Variants in ENDOU observed in about 807,000 individuals in gnomAD.
The protein encoded by ENDOU is uridylate-specific endoribonuclease.
ENDOU carries 49 observed loss-of-function variants against 54.2 expected under a neutral mutation model. That is an observed-to-expected ratio of 0.90 (90% CI 0.72 to 1.15). The LOEUF (loss-of-function observed/expected upper bound fraction) is 1.15, where lower values mean the gene tolerates loss of function less well. Among genes scored for constraint, ENDOU ranks in the 50% most tolerant of loss-of-function variants. The pLI is 0.00. For synonymous variants in ENDOU, 172 were observed against 190.5 expected (o/e 0.90, Z 0.80); for missense variants, 458 against 511.4 (o/e 0.90, Z 1.01).
chr12:47,713,115 C>T lies in ENDOU; in HGVS notation c.865+160G>A, dbSNP rs532935891. Among the ~76,000 whole-genome samples the T allele has an allele frequency of 2.0e-5, 3 of 152,236 alleles. No homozygotes were observed. The East Asian group carries it at 5.8e-4, about 29-fold the overall frequency. ...TTCTCAGAATGGCTCCTCAGACACC[C>T]CCCCGCCCCCCTGCCATATGGGCAG... On this transcript the variant is annotated intron_variant, in intron 7 of 9. Transcript: ENST00000422538.
chr12:47,716,559 A>G lies in ENDOU; in HGVS notation c.552-60T>C, dbSNP rs940380606. On this transcript the variant is annotated intron_variant, in intron 5 of 9. Transcript: ENST00000422538. ...CCAAACACAGGGCAGCGACCCCTCC[A>G]GAGACTTCTAGACAGGCCAGGGGCA... is the stretch of plus-strand genomic sequence containing the variant. The G allele has an allele frequency of 1.6e-5, 24 of 1,515,434 alleles. No individual in the cohort carries two copies. In the South Asian group the frequency reaches 2.7e-4, roughly 17 times the overall value. The allele number at this position is 1,515,434 out of a possible 1,614,324, so 93.9% of individuals were successfully genotyped here. A position where few individuals can be genotyped will look rare whatever the true frequency, so the allele number is the denominator to read the frequency against.
Position 47,725,400 on chromosome 12 carries a change from A to T in ENDOU, c.14T>A (p.Ile5Asn). The T allele has an allele frequency of 6.2e-7, 1 of 1,614,170 alleles. No homozygotes were observed. Among genetic ancestry groups the T allele is most frequent in the African/African-American group, 1.3e-5 (1 of 75,046 alleles). ...ACACAGCACGGCCAATACCAGGGAG[A>T]TGCAGGCCCTCATGGTGCCCAGTTG... MRACISLVLAVLCGL... is the reference protein window; with the variant it reads MRACNSLVLAVLCGL... The change falls in exon 1 of 10, where the codon ATC (isoleucine) becomes AAC (asparagine). Residue 5 changes from isoleucine to asparagine, a missense_variant. By Grantham distance (149) the Ile-to-Asn change is moderately radical. Transcript: ENST00000422538.
Position 47,717,015 on chromosome 12 carries a change from C to G in ENDOU, c.426G>C (p.Gln142His), listed in dbSNP as rs1301045363. The G allele has an allele frequency of 6.2e-7, 1 of 1,613,948 alleles. No individual in the cohort carries two copies. The highest frequency in any genetic ancestry group is 8.5e-7 in the Non-Finnish European group (1 of 1,179,986). ...SSDAITKEEI[Q>H]SISEKIYRAD... ...CCCTGTAGATCTTCTCAGAGATGCTCTGAATCTCCTCTTTTGTTATGGCAT... is the reference window on the plus strand; with the variant it reads ...CCCTGTAGATCTTCTCAGAGATGCTGTGAATCTCCTCTTTTGTTATGGCAT... The change falls in exon 5 of 10, where the codon CAG becomes CAC. Residue 142 changes from glutamine to histidine, a missense_variant. Gln to His is a conservative substitution (Grantham distance 24). Coordinates refer to ENST00000422538, the MANE Select transcript of ENDOU (RefSeq NM_001172439.2).
rs1034339718 is a variant in ENDOU, at chr12:47,710,144, C to G, written c.*658G>C. 1.6e-4 allele frequency: 24 copies of G among 152,400 alleles called. No individual in the cohort carries two copies. The highest frequency in any genetic ancestry group is 5.8e-4 in the African/African-American group (24 of 41,554). 9.4% of individuals were successfully genotyped at this position (152,400 alleles called of 1,614,324 possible). On this transcript the variant is annotated 3_prime_UTR_variant, in exon 10 of 10. Coordinates refer to ENST00000422538, the MANE Select transcript of ENDOU (RefSeq NM_001172439.2). The stretch of plus-strand genomic sequence containing the variant: ...AAGGCCACCCCACCCCCAGCCCATT[C>G]ACTGCACCAACCTATTACCCTTCTC...
In ENDOU at chr12:47,720,962, G is replaced by A. The variant is rs572638098; in HGVS notation, c.56-87C>T. On this transcript the variant is annotated intron_variant, in intron 1 of 9. Coordinates refer to ENST00000422538, the MANE Select transcript of ENDOU (RefSeq NM_001172439.2). ...CCTGCAGGAGGGTTCACAGACCAGG[G>A]CAGGAGTGTACCTGGCAGGGAAGGG... 4.7e-3 allele frequency: 6,185 copies of A among 1,321,102 alleles called. 17 individuals are homozygous for A. Among genetic ancestry groups the A allele is most frequent in the Non-Finnish European group, 5.9e-3 (5,642 of 960,570 alleles). The allele number at this position is 1,321,102 out of a possible 1,614,324, so 81.8% of individuals were successfully genotyped here.
rs780515679 is a variant in ENDOU at position 47,713,256 on chromosome 12, C to T, written c.865+19G>A. The T allele has an allele frequency of 5.9e-6, 9 of 1,531,626 alleles. No homozygotes were observed. The highest frequency in any genetic ancestry group is 8.1e-6 in the Non-Finnish European group (9 of 1,104,986). 94.9% of individuals were successfully genotyped at this position (1,531,626 alleles called of 1,614,324 possible). ...TCTTCATCCCTCCAACTCTTTCTTT[C>T]CAAGAAAAGTGCTCCCACCTGAGAA... On this transcript the variant is annotated intron_variant, in intron 7 of 9. Transcript: ENST00000422538.
rs769480689 is a variant in ENDOU, at chr12:47,716,502, G to A, written c.552-3C>T. On this transcript the variant is annotated splice_region_variant and splice_polypyrimidine_tract_variant and intron_variant, in intron 5 of 9. Transcript: ENST00000422538. ...TCTCATTGACATAAGTGAAGAGTCT[G>A]GGGGAGGCAGAGGGGAGCCCCACTG... 1 of 1,613,012 alleles carries A rather than the reference G, an allele frequency of 6.2e-7. No individual in the cohort carries two copies. Among genetic ancestry groups the A allele is most frequent in the Non-Finnish European group, 8.5e-7 (1 of 1,179,894 alleles).
intron 6 of ENDOU, among the ~76,000 whole-genome samples, chr12:47,713,690 A>G (rs112552623): frequency 4.8e-5 from 7 of 146,080 alleles, no homozygotes; most frequent in South Asian, 4.5e-4. Flanking sequence ...GATCAGTGCT[A>G]TGAAGCAAAG....
At chr12:47,718,247 G>T in intron 2 of ENDOU, 53 bp from the exon 3 acceptor site, 1 of 1,489,870 alleles carries the variant, frequency 6.7e-7, no homozygotes, top group Non-Finnish European at 9.2e-7. Context: ...TTCCCCTGCT[G>T]CTTGGTTTCT....
At chr12:47,720,728 G>A (rs754313481) in intron 2 of ENDOU, 25 bp downstream of exon 2, 3 of 1,535,040 alleles carry the variant, frequency 2.0e-6, no homozygotes, top group Middle Eastern at 1.8e-4. Context: ...GGCTGGACAT[G>A]CCTTCGTCTC....
At chr12:47,722,121 C>T (rs1342800610) in intron 1 of ENDOU, among the ~76,000 whole-genome samples, 1 of 152,106 alleles carries the variant, frequency 6.6e-6, no homozygotes, top group Non-Finnish European at 1.5e-5. Flanking sequence ...GATGAATAAT[C>T]CCTGTTTTGT....
chr12:47,711,935 T>C (rs564420836), intron 8 of ENDOU, among the ~76,000 whole-genome samples, 160 bp from the exon 9 acceptor site: 59 of 152,314 alleles, frequency 3.9e-4, no homozygotes, highest in African/African-American at 1.3e-3. Context: ...AGAGGCAGTC[T>C]GCCTTGCTAA....
At chr12:47,716,801 C>T in intron 5 of ENDOU, 89 bp downstream of exon 5, 6 of 1,375,996 alleles carry the variant, frequency 4.4e-6, no homozygotes, top group Admixed American at 1.8e-5. Context: ...TTGATCGTGC[C>T]TGACTTGAGG....
At chr12:47,722,365 G>T (rs1342025119) in intron 1 of ENDOU, among the ~76,000 whole-genome samples, 2 of 152,200 alleles carry the variant, frequency 1.3e-5, no homozygotes, top group African/African-American at 4.8e-5. Flanking sequence ...CTGCTTTCTA[G>T]CTATGTGATC....
chr12:47,717,751 T>C (rs74088008), intron 3 of ENDOU, 96 bp from the exon 4 acceptor site: 1 of 1,309,142 alleles, frequency 7.6e-7, no homozygotes. Flanking sequence ...GTCTTCACTC[T>C]GCCCAGTAAA....
rs1940225293 is a variant in ENDOU at position 47,716,226 on chromosome 12, C to T, written c.751+74G>A. 1.5e-5 allele frequency: 23 copies of T among 1,484,312 alleles called. No individual in the cohort carries two copies. The South Asian group carries it at 2.2e-4, about 14-fold the overall frequency. 91.9% of individuals were successfully genotyped at this position (1,484,312 alleles called of 1,614,324 possible). On this transcript the variant is annotated intron_variant, in intron 6 of 9. Transcript: ENST00000422538. ...ACCGCCTCCTCACCTGCCCTCCTAA[C>T]CTTCCCCTCCCCCGCCCACCTGGCT...
intron 1 of ENDOU, among the ~76,000 whole-genome samples, chr12:47,722,429 G>T (rs1343050010): frequency 6.6e-6 from 1 of 152,188 alleles, no homozygotes; most frequent in East Asian, 1.9e-4. Context: ...GTAAAAGTGG[G>T]ATGATAATGG....
intron 7 of ENDOU, among the ~76,000 whole-genome samples, chr12:47,713,045 A>G (rs898056042): frequency 6.6e-6 from 1 of 152,088 alleles, no homozygotes; most frequent in Admixed American, 6.5e-5. Flanking sequence ...TGGGAGCCCC[A>G]GCATCTGGTC....
Position 47,716,424 on chromosome 12 carries a change from G to A in ENDOU, c.627C>T (p.Tyr209=), listed in dbSNP as rs140993781. The change falls in exon 6 of 10, where the codon TAC becomes TAT. Residue 209 remains tyrosine, a synonymous_variant. Coordinates refer to ENST00000422538, the MANE Select transcript of ENDOU (RefSeq NM_001172439.2). ...GCTCCCCATGGCCTGTTGCCCGCTG[G>A]TAGTTGTTGAGGAGGTTGATGAAGG... is the stretch of plus-strand genomic sequence containing the variant. ...YAAFINLLNN[Y]QRATGHGEHF... 1.9e-6 allele frequency: 3 copies of A among 1,614,074 alleles called. No individual in the cohort carries two copies. The highest frequency in any genetic ancestry group is 2.5e-6 in the Non-Finnish European group (3 of 1,180,048).
Sources: allele counts gnomAD v4.1 joint callset (sites outside exome capture counted in the v4.1 genomes callset), GRCh38; gene constraint gnomAD v4.1.1; transcripts MANE v1.5; gene names NCBI Gene and HGNC (gene_info 2026-07-23, HGNC 2026-07-21).